ROBO1: variants seen among roughly 807,000 people sequenced by gnomAD.
ROBO1 encodes roundabout guidance receptor 1.
Under a neutral mutation model 195.9 loss-of-function variants are expected in ROBO1, and 149 were observed. That is an observed-to-expected ratio of 0.76 (90% confidence interval 0.67 to 0.87). The LOEUF (loss-of-function observed/expected upper bound fraction) is 0.87, where lower values mean the gene tolerates loss of function less well. ROBO1 is among the 40% of genes least tolerant of loss of function. The pLI, the probability that ROBO1 is intolerant of heterozygous loss-of-function variation, is 0.00. For synonymous variants in ROBO1, 816 were observed against 733.2 expected (o/e 1.11, Z -1.82); for missense variants, 1,933 against 2,068.3 (o/e 0.93, Z 1.27).
At chr3:79,546,010 C>T (rs1327421777) in intron 2 of ROBO1, among the ~76,000 whole-genome samples, 1 of 151,974 alleles carries the variant, frequency 6.6e-6, no homozygotes, top group African/African-American at 2.4e-5. Flanking sequence ...TTTTCTCTTC[C>T]TCCTGGCCCT....
intron 2 of ROBO1, among the ~76,000 whole-genome samples, chr3:79,463,948 C>T (rs923408331): frequency 6.6e-6 from 1 of 152,148 alleles, no homozygotes; most frequent in African/African-American, 2.4e-5. Context: ...TCCTTTCCCA[C>T]TAGACCTAAG....
intron 4 of ROBO1, among the ~76,000 whole-genome samples, chr3:78,883,105 G>T (rs1216435176): frequency 1.3e-5 from 2 of 152,122 alleles, no homozygotes; most frequent in Non-Finnish European, 2.9e-5. Flanking sequence ...AAGCCACTGT[G>T]CTGGGCCATT....
At chr3:78,982,667 T>G (rs993366428) in intron 3 of ROBO1, among the ~76,000 whole-genome samples, 11 of 152,140 alleles carry the variant, frequency 7.2e-5, no homozygotes, top group African/African-American at 2.4e-4. Flanking sequence ...CTCACTCTGT[T>G]GCCCAGGCTG....
In ROBO1 at chr3:78,685,882, G is replaced by A. The variant is rs35506479; in HGVS notation, c.1206C>T (p.Ser402=). The part of the protein sequence containing the change: ...LLFSYQPPQS[S]SRFSVSQTGD... ...CAGTCTGGGAGACTGAAAATCGGCT[G>A]GATGACTGTGGTGGTTGATATGAGA... Residue 402 remains serine, a synonymous_variant, in exon 10 of 31, where the codon TCC becomes TCT. Coordinates refer to ENST00000464233, the MANE Select transcript of ROBO1 (RefSeq NM_002941.4). 23,816 of 1,604,228 alleles carry A rather than the reference G, an allele frequency of 0.015. 204 individuals are homozygous for A. Among genetic ancestry groups the A allele is most frequent in the Middle Eastern group, 0.02 (123 of 6,042 alleles).
At chr3:78,674,694 G>A (rs372118775) in intron 10 of ROBO1, among the ~76,000 whole-genome samples, 3 of 152,118 alleles carry the variant, frequency 2.0e-5, no homozygotes, top group South Asian at 2.1e-4. Flanking sequence ...AGGTCTATGC[G>A]TGATCTAGTC....
intron 2 of ROBO1, among the ~76,000 whole-genome samples, chr3:79,556,493 C>T (rs1184939217): frequency 6.6e-6 from 1 of 152,010 alleles, no homozygotes. Context: ...TTCCACTCAC[C>T]AAACTGCATA....
chr3:79,230,302 C>T (rs2082296572), intron 2 of ROBO1, among the ~76,000 whole-genome samples: 1 of 152,044 alleles, frequency 6.6e-6, no homozygotes, highest in South Asian at 2.1e-4. Context: ...CATAATTATA[C>T]ATGTTTTACA....
chr3:78,703,095 C>T (rs2081458840), intron 8 of ROBO1, among the ~76,000 whole-genome samples: 1 of 152,116 alleles, frequency 6.6e-6, no homozygotes, highest in Admixed American at 6.5e-5. Context: ...TGAAAGAAAT[C>T]TAAGAGAATC....
intron 2 of ROBO1, among the ~76,000 whole-genome samples, chr3:79,491,461 T>G (rs908394982): frequency 6.6e-6 from 1 of 152,120 alleles, no homozygotes; most frequent in Non-Finnish European, 1.5e-5. Flanking sequence ...GAAATAGAAC[T>G]GTCAGTGAAA....
rs545757455 is a variant in ROBO1, at chr3:78,982,465, A to G, written c.173-43538T>C. Among the ~76,000 whole-genome samples the G allele has an allele frequency of 2.6e-5, 4 of 152,268 alleles. No homozygotes were observed. In the East Asian group the frequency reaches 7.7e-4, roughly 29 times the overall value. Reference sequence around the variant, plus strand: ...ATTTTTGCATCATACACACGTCTATAAACAAACACACATACATCCCACCAA... The same window carrying G: ...ATTTTTGCATCATACACACGTCTATGAACAAACACACATACATCCCACCAA... On this transcript the variant is annotated intron_variant, in intron 3 of 30. Coordinates refer to ENST00000464233, the MANE Select transcript of ROBO1 (RefSeq NM_002941.4).
intron 1 of ROBO1, among the ~76,000 whole-genome samples, chr3:79,599,849 T>G (rs1944287473): frequency 6.6e-6 from 1 of 152,034 alleles, no homozygotes; most frequent in Non-Finnish European, 1.5e-5. Flanking sequence ...AAAGACATTT[T>G]AAAAAATGAT....
At chr3:79,103,467 G>GGCTAACCTTAGTTTAAACAAAT (rs2079716552) in intron 3 of ROBO1, among the ~76,000 whole-genome samples, 1 of 151,744 alleles carries the variant, frequency 6.6e-6, no homozygotes, top group South Asian at 2.1e-4. Context: ...AATAAACAAA[G>GGCTAACCTTAGTTTAAACAAAT]GCTAACCTTA....
intron 1 of ROBO1, among the ~76,000 whole-genome samples, chr3:79,755,913 T>C (rs1353746451): frequency 6.6e-6 from 1 of 152,232 alleles, no homozygotes; most frequent in Non-Finnish European, 1.5e-5. Flanking sequence ...CATTGCCTTA[T>C]TGACCACTTT....
At chr3:79,023,945 C>T (rs776441944) in intron 3 of ROBO1, among the ~76,000 whole-genome samples, 9 of 150,998 alleles carry the variant, frequency 6.0e-5, no homozygotes, top group South Asian at 2.1e-4. Flanking sequence ...CTCCTGACCT[C>T]GTTATCTGCC....
At chr3:79,558,133 G>T (rs1942779223) in intron 2 of ROBO1, among the ~76,000 whole-genome samples, 2 of 151,998 alleles carry the variant, frequency 1.3e-5, no homozygotes, top group Non-Finnish European at 2.9e-5. Context: ...AACTGGGCAG[G>T]TCCACTCATT....
intron 1 of ROBO1, among the ~76,000 whole-genome samples, chr3:79,746,407 T>C (rs1029333292): frequency 2.0e-5 from 3 of 152,104 alleles, no homozygotes; most frequent in African/African-American, 4.8e-5. Context: ...ACTTTACTGA[T>C]ACAGTGCTTA....
chr3:78,645,543 A>G (rs1706228158), intron 21 of ROBO1, among the ~76,000 whole-genome samples: 2 of 151,998 alleles, frequency 1.3e-5, no homozygotes, highest in Non-Finnish European at 2.9e-5. Flanking sequence ...TGGTTGTCAC[A>G]TCAATTTGTG....
At position 79,472,550 on chromosome 3, in the gene ROBO1, T is replaced by A. The variant is rs1400486204; in HGVS notation, c.88+117274A>T. Among the ~76,000 whole-genome samples, 4 of 152,168 alleles carry A rather than the reference T, an allele frequency of 2.6e-5. No homozygotes were observed. The South Asian group carries it at 8.3e-4, about 32-fold the overall frequency. ...GTATTGATGAGAGAAGAGGTACTACTTTGGCACATTTCAAACTTTAGGAAT... is the reference window on the plus strand; with the variant it reads ...GTATTGATGAGAGAAGAGGTACTACATTGGCACATTTCAAACTTTAGGAAT... On this transcript the variant is annotated intron_variant, in intron 2 of 30. Transcript: ENST00000464233.
In ROBO1 at chr3:79,708,565, T is replaced by A. The variant is rs77065100; in HGVS notation, c.-51+59187A>T. The stretch of plus-strand genomic sequence containing the variant: ...AAGAAAAGAAAGGACAAGTACTTTG[T>A]TCAAGAAACAAAACTGGCAGGGGAT... On this transcript the variant is annotated intron_variant, in intron 1 of 30. Transcript: ENST00000464233. 7.4e-3 allele frequency among the ~76,000 whole-genome samples: 1,121 copies of A among 152,268 alleles called. 8 individuals carry two copies. The highest frequency in any genetic ancestry group is 0.017 in the Middle Eastern group (5 of 294).
Sources: gnomAD v4.1 joint callset for allele counts (sites outside exome capture counted in the v4.1 genomes callset) on GRCh38, gnomAD v4.1.1 for gene constraint, MANE v1.5 for transcripts, NCBI Gene and HGNC (gene_info 2026-07-23, HGNC 2026-07-21) for gene names.